Variants in CNTN5 observed in about 807,000 individuals in gnomAD.
CNTN5 encodes the protein contactin-5.
Under a neutral mutation model 129.1 loss-of-function variants are expected in CNTN5, and 77 were observed. The observed-to-expected ratio is 0.60, with a 90% confidence interval of 0.50 to 0.72. CNTN5 has a LOEUF of 0.72. CNTN5 is among the 30% of genes least tolerant of loss of function. CNTN5 has a pLI of 0.00. For missense variants in CNTN5, 1,478 were observed against 1,328.8 expected (o/e 1.11, Z -1.75); for synonymous variants, 509 against 465.6 (o/e 1.09, Z -1.20).
intron 3 of CNTN5, among the ~76,000 whole-genome samples, chr11:99,715,096 G>A (rs594808): frequency 0.78 from 118,599 of 151,802 alleles, 46,881 homozygotes; most frequent in East Asian, 0.9. Flanking sequence ...TTTTTGTGAC[G>A]TGTAATAAAT....
rs191772505 is a variant in CNTN5, at chr11:99,799,314, C to A, written c.56-20230C>A. Among the ~76,000 whole-genome samples the A allele has an allele frequency of 4.2e-3, 629 of 151,540 alleles. 1 individual carries two copies. Among genetic ancestry groups the A allele is most frequent in the Non-Finnish European group, 6.6e-3 (446 of 67,806 alleles). ...ATAGGAGTGGTGAGAATGGCGCATC[C>A]TTATTTTATCTCAGTTCTCAAGGGG... On this transcript the variant is annotated intron_variant, in intron 3 of 24. Coordinates refer to ENST00000524871, the MANE Select transcript of CNTN5 (RefSeq NM_014361.4).
chr11:99,079,381 C>A (rs1865704140), intron 1 of CNTN5, among the ~76,000 whole-genome samples: 1 of 152,042 alleles, frequency 6.6e-6, no homozygotes, highest in Non-Finnish European at 1.5e-5. Context: ...CTGCCATATG[C>A]ACTGCAGTTT....
At chr11:99,482,465 C>G (rs1591137583) in intron 2 of CNTN5, among the ~76,000 whole-genome samples, 1 of 152,064 alleles carries the variant, frequency 6.6e-6, no homozygotes, top group African/African-American at 2.4e-5. Context: ...ACTTAAATTT[C>G]AAAAACCCAG....
At chr11:99,139,129 A>G (rs1346385194) in intron 1 of CNTN5, among the ~76,000 whole-genome samples, 1 of 131,658 alleles carries the variant, frequency 7.6e-6, no homozygotes, top group Non-Finnish European at 1.6e-5. Flanking sequence ...TTAGCCAGGC[A>G]TAGTGTCCAT....
intron 3 of CNTN5, among the ~76,000 whole-genome samples, chr11:99,816,488 C>T (rs1946591531): frequency 6.6e-6 from 1 of 152,126 alleles, no homozygotes; most frequent in Admixed American, 6.5e-5. Flanking sequence ...CTTGCCTTTT[C>T]CTTCATTCTT....
At chr11:99,258,136 A>G (rs1862462636) in intron 1 of CNTN5, among the ~76,000 whole-genome samples, 1 of 152,030 alleles carries the variant, frequency 6.6e-6, no homozygotes, top group South Asian at 2.1e-4. Flanking sequence ...TTCTCAAACA[A>G]AAGAGTGTAT....
intron 16 of CNTN5, among the ~76,000 whole-genome samples, chr11:100,233,626 C>T (rs188530239): frequency 7.2e-5 from 11 of 152,216 alleles, no homozygotes; most frequent in African/African-American, 9.6e-5. Flanking sequence ...AAAGTCTGAA[C>T]TTCCTCTGAT....
At chr11:99,136,322 A>G (rs1326945334) in intron 1 of CNTN5, among the ~76,000 whole-genome samples, 1 of 152,150 alleles carries the variant, frequency 6.6e-6, no homozygotes, top group East Asian at 1.9e-4. Context: ...ATCGACAGAA[A>G]CATAGCCAGG....
At chr11:99,772,172 T>C (rs1217547245) in intron 3 of CNTN5, among the ~76,000 whole-genome samples, 1 of 151,848 alleles carries the variant, frequency 6.6e-6, no homozygotes, top group African/African-American at 2.4e-5. Context: ...ATTTTTTTTT[T>C]TGCCATGTGC....
chr11:99,395,943 T>G (rs774367275), intron 2 of CNTN5, among the ~76,000 whole-genome samples: 35 of 152,006 alleles, frequency 2.3e-4, no homozygotes, highest in Admixed American at 9.2e-4. Flanking sequence ...TTGGTTAATG[T>G]AGGCCTGCAG....
At chr11:99,308,208 A>G (rs1054200823) in intron 1 of CNTN5, among the ~76,000 whole-genome samples, 12 of 152,202 alleles carry the variant, frequency 7.9e-5, no homozygotes, top group African/African-American at 2.7e-4. Context: ...TTTTTATGAT[A>G]CATTTCCTTT....
chr11:99,291,762 A>G (rs1280740201), intron 1 of CNTN5, among the ~76,000 whole-genome samples: 1 of 152,058 alleles, frequency 6.6e-6, no homozygotes, highest in African/African-American at 2.4e-5. Flanking sequence ...ATGAGCCTGT[A>G]GCTAAGAAAT....
In CNTN5 at chr11:99,916,132, C is replaced by T. The variant is rs199944393; in HGVS notation, c.656C>T (p.Pro219Leu). 4 of 1,611,710 alleles carry T rather than the reference C, an allele frequency of 2.5e-6. No individual in the cohort carries two copies. In the South Asian group the frequency reaches 3.3e-5, roughly 13 times the overall value. The change falls in exon 7 of 25, where the codon CCT becomes CTT. Residue 219 changes from proline to leucine, a missense_variant. Pro to Leu is a moderately conservative substitution (Grantham distance 98, BLOSUM62 -3). Coordinates refer to ENST00000524871, the MANE Select transcript of CNTN5 (RefSeq NM_014361.4). Reference protein sequence around the residue: ...EGQGVVLMCSPPPHSPEIIYS... With the variant: ...EGQGVVLMCSLPPHSPEIIYS... ...CAGGGTGTCGTTCTGATGTGCTCTCCTCCGCCACATTCACCAGGTACAGTA... is the reference window on the plus strand; with the variant it reads ...CAGGGTGTCGTTCTGATGTGCTCTCTTCCGCCACATTCACCAGGTACAGTA...
rs561814444 is a variant in CNTN5, at chr11:100,220,435, CT to C, written c.1885-4256del. On this transcript the variant is annotated intron_variant, in intron 15 of 24. Transcript: ENST00000524871. Reference sequence around the variant, plus strand: ...TTTATGCTAGATAAGATTTAGAAAACTAAAAATGCTTAATACATAAAATGCT... The same window carrying C: ...TTTATGCTAGATAAGATTTAGAAAACAAAAATGCTTAATACATAAAATGCT... 5.7e-4 allele frequency among the ~76,000 whole-genome samples: 86 copies of C among 152,108 alleles called. 1 individual carries two copies. The highest frequency in any genetic ancestry group is 1.2e-3 in the South Asian group (6 of 4,820).
chr11:99,506,071 C>A (rs1417790326), intron 2 of CNTN5, among the ~76,000 whole-genome samples: 1 of 152,140 alleles, frequency 6.6e-6, no homozygotes, highest in African/African-American at 2.4e-5. Flanking sequence ...CTGCATAATG[C>A]ATTCCAGCTT....
At chr11:99,547,534 G>A (rs747901833) in intron 2 of CNTN5, among the ~76,000 whole-genome samples, 5 of 152,114 alleles carry the variant, frequency 3.3e-5, no homozygotes, top group Non-Finnish European at 7.4e-5. Context: ...CAAACAGCAG[G>A]AGGTTGTAAA....
chr11:100,069,327 T>A lies in CNTN5; in HGVS notation c.1163-1097T>A, dbSNP rs185893420. ...GCCACCACACCTGAATAATTTTTTT[T>A]TTTTTATTTTTAGTAGAGACAAGGT... On this transcript the variant is annotated intron_variant, in intron 10 of 24. Coordinates refer to ENST00000524871, the MANE Select transcript of CNTN5 (RefSeq NM_014361.4). Among the ~76,000 whole-genome samples the A allele has an allele frequency of 1.8e-4, 28 of 152,070 alleles. No individual in the cohort carries two copies. In the East Asian group the frequency reaches 2.9e-3, roughly 16 times the overall value.
At chr11:99,536,747 T>C (rs1163364643) in intron 2 of CNTN5, among the ~76,000 whole-genome samples, 1 of 151,912 alleles carries the variant, frequency 6.6e-6, no homozygotes, top group East Asian at 1.9e-4. Flanking sequence ...TTACTAACTC[T>C]GTTTTATGGA....
intron 9 of CNTN5, among the ~76,000 whole-genome samples, chr11:100,056,757 G>A (rs1245880515): frequency 6.6e-6 from 1 of 151,482 alleles, no homozygotes; most frequent in Non-Finnish European, 1.5e-5. Flanking sequence ...GTGAGGGGAG[G>A]AGTGAGCAGA....
Sources: gnomAD v4.1 joint callset for allele counts (sites outside exome capture counted in the v4.1 genomes callset) on GRCh38, gnomAD v4.1.1 for gene constraint, MANE v1.5 for transcripts, NCBI Gene and HGNC (gene_info 2026-07-23, HGNC 2026-07-21) for gene names.